HSP90AA1: variants seen among roughly 807,000 people sequenced by gnomAD.
HSP90AA1 encodes heat shock protein 90 alpha family class A member 1.
A neutral mutation model predicts 73.3 loss-of-function variants in HSP90AA1; 18 were observed. The ratio of observed to expected loss-of-function variants is 0.25; its 90% confidence interval spans 0.17 to 0.36. The LOEUF (loss-of-function observed/expected upper bound fraction) is 0.36. Ranked by LOEUF, HSP90AA1 falls within the 10% of genes least tolerant of loss-of-function variation. HSP90AA1 has a pLI of 1.00. For missense variants in HSP90AA1, 704 were observed against 874.2 expected (o/e 0.81, Z 2.45); for synonymous variants, 477 against 296.9 (o/e 1.61, Z -6.24).
At chr14:102,130,997 G>A (rs2049901139) in intron 1 of HSP90AA1, among the ~76,000 whole-genome samples, 1 of 152,182 alleles carries the variant, frequency 6.6e-6, no homozygotes, top group Non-Finnish European at 1.5e-5. Flanking sequence ...GGGATTACAG[G>A]CATAAGCCAC....
chr14:102,083,554 T>A lies in HSP90AA1; in HGVS notation c.1478A>T (p.Tyr493Phe). ...ACATAGTGTTCTCTTACCTGTGATA[T>A]AATAGATATGTTTCTGGTTCTCCTT... ...RMKENQKHIY[Y>F]ITGETKDQVA... Residue 493 changes from tyrosine to phenylalanine, a missense_variant, in exon 8 of 11, where the codon TAT becomes TTT. Tyr to Phe is a conservative substitution (Grantham distance 22). Transcript: ENST00000216281. The A allele has an allele frequency of 6.2e-7, 1 of 1,613,584 alleles. No homozygotes were observed. Among genetic ancestry groups the A allele is most frequent in the East Asian group, 2.2e-5 (1 of 44,880 alleles).
In HSP90AA1 at chr14:102,085,619, CTAAT is replaced by C. The variant is rs573588282; in HGVS notation, c.529+135_529+138del. ...CCGCCCACCAAGTCATGCCATTACA[CTAAT>C]TAAGTGCTCTAGCTTGTTCCTGATC... On this transcript the variant is annotated intron_variant, in intron 3 of 10. Transcript: ENST00000216281. 1,134 of 1,366,060 alleles carry C rather than the reference CTAAT, an allele frequency of 8.3e-4. 4 individuals carry two copies. Among genetic ancestry groups the C allele is most frequent in the Admixed American group, 1.9e-3 (106 of 56,008 alleles). 84.6% of individuals were successfully genotyped at this position (1,366,060 alleles called of 1,614,324 possible).
chr14:102,107,186 G>A (rs1251620005), intron 1 of HSP90AA1, among the ~76,000 whole-genome samples: 6 of 151,954 alleles, frequency 3.9e-5, no homozygotes, highest in Non-Finnish European at 7.4e-5. Context: ...TTAAGGAGGC[G>A]AGGGTGGGGA....
intron 1 of HSP90AA1, 148 bp downstream of exon 1, chr14:102,086,838 C>T: frequency 3.5e-6 from 1 of 284,332 alleles, no homozygotes; most frequent in Non-Finnish European, 5.3e-6. Context: ...GGTCCCGAGG[C>T]CTCCGGAATA....
intron 2 of HSP90AA1, among the ~76,000 whole-genome samples, chr14:102,097,104 A>G (rs1201294843): frequency 2.0e-5 from 3 of 151,996 alleles, no homozygotes; most frequent in Non-Finnish European, 4.4e-5. Flanking sequence ...TCTCTGCCTC[A>G]GCCTCCCGAA....
chr14:102,086,941 C>A (rs1461534336), intron 1 of HSP90AA1, 45 bp downstream of exon 1: 3 of 966,102 alleles, frequency 3.1e-6, no homozygotes, highest in Non-Finnish European at 3.7e-6. Flanking sequence ...GCCCCCAGTC[C>A]CGGTCCCCAG....
Position 102,085,420 on chromosome 14 carries a change from C to G in HSP90AA1, c.541G>C (p.Gly181Arg). Residue 181 changes from glycine to arginine, a missense_variant, in exon 4 of 11, where the codon GGT becomes CGT. By Grantham distance (125) the Gly-to-Arg change is moderately radical. Transcript: ENST00000216281. Reference protein sequence around the residue: ...TVRTDTGEPMGRGTKVILHLK... With the variant: ...TVRTDTGEPMRRGTKVILHLK... ...TGTAGGATAACTTTTGTTCCACGAC[C>G]CATAGGTTCACCTGCAAGAGAAGAA... 6.2e-7 allele frequency: 1 copy of G among 1,612,110 alleles called. No homozygotes were observed. Among genetic ancestry groups the G allele is most frequent in the Non-Finnish European group, 8.5e-7 (1 of 1,179,312 alleles).
intron 1 of HSP90AA1, among the ~76,000 whole-genome samples, chr14:102,122,075 A>AT (rs2049784684): frequency 6.8e-6 from 1 of 146,762 alleles, no homozygotes; most frequent in Non-Finnish European, 1.5e-5. Context: ...TCTTATGGTT[A>AT]TTTTTTATAT....
chr14:102,135,516 C>T (rs2049978881), intron 1 of HSP90AA1, among the ~76,000 whole-genome samples: 1 of 152,266 alleles, frequency 6.6e-6, no homozygotes, highest in Non-Finnish European at 1.5e-5. Flanking sequence ...CGCTCGCATT[C>T]CTCAGCCCTT....
chr14:102,105,550 G>T (rs1163422408), intron 1 of HSP90AA1, among the ~76,000 whole-genome samples: 2 of 152,282 alleles, frequency 1.3e-5, no homozygotes, highest in South Asian at 4.1e-4. Context: ...AGCATGGTAG[G>T]TGCTAGCGGT....
chr14:102,101,758 A>G, intron 2 of HSP90AA1: 1 of 826,282 alleles, frequency 1.2e-6, no homozygotes, highest in East Asian at 2.6e-5. Context: ...GGAATAAACA[A>G]TAAAGAGAGT....
chr14:102,127,038 C>CTT (rs34283559), intron 1 of HSP90AA1, among the ~76,000 whole-genome samples: 2 of 146,458 alleles, frequency 1.4e-5, no homozygotes, highest in African/African-American at 2.5e-5. Flanking sequence ...GTGAGAAGTA[C>CTT]TTTTTTTTTT....
chr14:102,102,210 G>A lies in HSP90AA1; in HGVS notation c.156-125C>T, dbSNP rs1023737546. ...GCTTCCTTAGACTTCCTCTGTGACTGTCAAATGGATTAAAATATGTGATAT... is the reference window on the plus strand; with the variant it reads ...GCTTCCTTAGACTTCCTCTGTGACTATCAAATGGATTAAAATATGTGATAT... On this transcript the variant is annotated intron_variant, in intron 1 of 11. Coordinates refer to the HSP90AA1 transcript ENST00000334701. 7 of 770,142 alleles carry A rather than the reference G, an allele frequency of 9.1e-6. No homozygotes were observed. In the African/African-American group the frequency reaches 1.2e-4, roughly 13 times the overall value. 47.7% of individuals were successfully genotyped at this position (770,142 alleles called of 1,614,324 possible).
At chr14:102,133,612 T>G (rs1346261462) in intron 1 of HSP90AA1, among the ~76,000 whole-genome samples, 1 of 151,648 alleles carries the variant, frequency 6.6e-6, no homozygotes, top group Non-Finnish European at 1.5e-5. Flanking sequence ...GCCCCCCTAG[T>G]AGCTGGGATT....
chr14:102,085,627 G>GTGCT, intron 3 of HSP90AA1, 131 bp downstream of exon 3: 2 of 1,405,010 alleles, frequency 1.4e-6, no homozygotes, highest in Non-Finnish European at 2.0e-6. Flanking sequence ...CACTAATTAA[G>GTGCT]TGCTCTAGCT....
Position 102,082,415 on chromosome 14 carries a change from A to G in HSP90AA1, c.1785T>C (p.Ser595=). The stretch of plus-strand genomic sequence containing the variant: ...ATGTGCTTGTGACAATACAGCATGG[A>G]GATGTCACCAATCGGTTTGACACAA... ...KVVVSNRLVT[S]PCCIVTSTYG... Residue 595 remains serine (S), a synonymous_variant, in exon 10 of 11, where the codon TCT becomes TCC. Transcript: ENST00000216281. The G allele has an allele frequency of 6.2e-7, 1 of 1,613,310 alleles. No individual in the cohort carries two copies. The highest frequency in any genetic ancestry group is 8.5e-7 in the Non-Finnish European group (1 of 1,179,924).
chr14:102,117,130 G>A (rs2049716953), intron 1 of HSP90AA1, among the ~76,000 whole-genome samples: 1 of 152,182 alleles, frequency 6.6e-6, no homozygotes. Flanking sequence ...AGGAGCATGG[G>A]AGAGACGCCA....
chr14:102,092,720 A>T (rs1218432762), intron 2 of HSP90AA1, among the ~76,000 whole-genome samples: 3 of 152,110 alleles, frequency 2.0e-5, no homozygotes, highest in Non-Finnish European at 4.4e-5. Context: ...CATATGTTGA[A>T]ATACATCAAA....
intron 1 of HSP90AA1, among the ~76,000 whole-genome samples, chr14:102,137,570 G>A (rs1477516709): frequency 6.6e-6 from 1 of 151,878 alleles, no homozygotes; most frequent in African/African-American, 2.4e-5. Context: ...TGATCTGCCC[G>A]CCTCGGCCTC....
Sources: allele counts gnomAD v4.1 joint callset (sites outside exome capture counted in the v4.1 genomes callset), GRCh38; gene constraint gnomAD v4.1.1; transcripts MANE v1.5; gene names NCBI Gene and HGNC (gene_info 2026-07-23, HGNC 2026-07-21).